Variants in MDGA1 observed in about 807,000 individuals in gnomAD.
The protein encoded by MDGA1 is MAM domain-containing glycosylphosphatidylinositol anchor protein 1.
In MDGA1, 54 loss-of-function variants were observed where a neutral mutation model predicts 101.5. That is an observed-to-expected ratio of 0.53 (90% CI 0.43 to 0.67). The LOEUF is 0.67. MDGA1 is among the 30% of genes least tolerant of loss of function. The pLI is 0.00. For synonymous variants in MDGA1, 533 were observed against 558.3 expected, an observed-to-expected ratio of 0.95 and a Z score of 0.64; for missense variants, 1,083 against 1,323.8, an observed-to-expected ratio of 0.82 and a Z score of 2.82.
intron 1 of MDGA1, among the ~76,000 whole-genome samples, chr6:37,670,415 A>T (rs1018546478): frequency 6.6e-6 from 1 of 152,180 alleles, no homozygotes; most frequent in African/African-American, 2.4e-5. Flanking sequence ...GAGGGGATGG[A>T]AAGTGGGAAG....
At chr6:37,658,115 A>G in intron 3 of MDGA1, 130 bp downstream of exon 3, 1 of 1,045,188 alleles carries the variant, frequency 9.6e-7, no homozygotes, top group Non-Finnish European at 1.3e-6. Context: ...GGTACCTCTT[A>G]GGCTCCTCCA....
chr6:37,658,385 T>C lies in MDGA1; in HGVS notation c.242A>G (p.Asp81Gly). The C allele has an allele frequency of 1.2e-6, 2 of 1,611,680 alleles. No homozygotes were observed. Among genetic ancestry groups the C allele is most frequent in the Non-Finnish European group, 1.7e-6 (2 of 1,179,032 alleles). The part of the protein sequence containing the change: ...RWTKTAGSAS[D>G]KFQETSVFNE... ...GAACACCGATGTCTCCTGGAACTTG[T>C]CCGAGGCGCTACCTGCCGTCTTGGT... Residue 81 changes from aspartate to glycine, a missense_variant, in exon 3 of 17, where the codon GAC (aspartate) becomes GGC (glycine). Physicochemically the swap from Asp to Gly is moderately conservative, Grantham distance 94. This residue lies in a region of MDGA1 where 310 missense variants were observed against 355.9 expected (regional missense o/e 0.87). Transcript: ENST00000434837.
At chr6:37,681,001 C>G (rs74871094) in intron 1 of MDGA1, among the ~76,000 whole-genome samples, 3 of 143,160 alleles carry the variant, frequency 2.1e-5, no homozygotes, top group African/African-American at 2.5e-5. Flanking sequence ...CCTCAGCCCC[C>G]CCCCCCCAGG....
In MDGA1 at chr6:37,635,284, C is replaced by A. The variant is rs377575540; in HGVS notation, c.*2084G>T. ...ACCGGGCAATGGAGTGGTTTCCACA[C>A]CAGGCTCACTTGTGCTGGGCACGAG... is the stretch of plus-strand genomic sequence containing the variant. On this transcript the variant is annotated 3_prime_UTR_variant, in exon 17 of 17. Coordinates refer to ENST00000434837, the MANE Select transcript of MDGA1 (RefSeq NM_153487.4). 1 of 396,382 alleles carries A rather than the reference C, an allele frequency of 2.5e-6. No individual in the cohort carries two copies. Among genetic ancestry groups the A allele is most frequent in the South Asian group, 1.4e-4 (1 of 7,002 alleles). 24.6% of individuals were successfully genotyped at this position (396,382 alleles called of 1,614,324 possible). A position where few individuals can be genotyped will look rare whatever the true frequency, so the allele number is the denominator to read the frequency against.
At chr6:37,640,425 A>C (rs1301170643) in intron 14 of MDGA1, among the ~76,000 whole-genome samples, 1 of 151,878 alleles carries the variant, frequency 6.6e-6, no homozygotes, top group Non-Finnish European at 1.5e-5. Flanking sequence ...CTGCAACCTC[A>C]AACTTCTGGG....
intron 1 of MDGA1, among the ~76,000 whole-genome samples, chr6:37,666,817 G>T (rs914498377): frequency 6.6e-6 from 1 of 152,176 alleles, no homozygotes; most frequent in African/African-American, 2.4e-5. Flanking sequence ...ACCACAGAGG[G>T]GTCCATGGAA....
In MDGA1 at chr6:37,631,182, T is replaced by C. The variant is rs571336947; in HGVS notation, c.*6186A>G. The C allele has an allele frequency of 7.9e-5, 12 of 152,282 alleles. No individual in the cohort carries two copies. The highest frequency in any genetic ancestry group is 2.9e-4 in the African/African-American group (12 of 41,542). 9.4% of individuals were successfully genotyped at this position (152,282 alleles called of 1,614,324 possible). A position where few individuals can be genotyped will look rare whatever the true frequency, so the allele number is the denominator to read the frequency against. ...ATGATGATCCTAGAGCTACCTTGAA[T>C]CCAAAATGCCCATCTGGTTCAGGAA... On this transcript the variant is annotated 3_prime_UTR_variant, in exon 17 of 17. Coordinates refer to ENST00000434837, the MANE Select transcript of MDGA1 (RefSeq NM_153487.4).
At chr6:37,667,804 G>C (rs1297062948) in intron 1 of MDGA1, among the ~76,000 whole-genome samples, 2 of 152,206 alleles carry the variant, frequency 1.3e-5, no homozygotes, top group Non-Finnish European at 2.9e-5. Flanking sequence ...TACTGAAAAA[G>C]AGCTGGAGAG....
intron 1 of MDGA1, among the ~76,000 whole-genome samples, chr6:37,676,749 T>G (rs1020972801): frequency 6.6e-6 from 1 of 151,968 alleles, no homozygotes; most frequent in African/African-American, 2.4e-5. Flanking sequence ...AATACAAAAT[T>G]AGCTGGGGGT....
At position 37,676,708 on chromosome 6, in the gene MDGA1, G is replaced by C. The variant is rs11965442; in HGVS notation, c.68-12602C>G. On this transcript the variant is annotated intron_variant, in intron 1 of 16. Coordinates refer to ENST00000434837, the MANE Select transcript of MDGA1 (RefSeq NM_153487.4). ...AGGTCAGGAGTTCAAGACCAGCCTG[G>C]CCAACATGGTGAAACCCCAACTCTA... 7.4e-3 allele frequency among the ~76,000 whole-genome samples: 1,125 copies of C among 152,240 alleles called. 14 individuals carry two copies. The highest frequency in any genetic ancestry group is 0.025 in the African/African-American group (1,036 of 41,526).
At chr6:37,639,984 A>G (rs1764024327) in intron 14 of MDGA1, among the ~76,000 whole-genome samples, 1 of 152,194 alleles carries the variant, frequency 6.6e-6, no homozygotes, top group Non-Finnish European at 1.5e-5. Flanking sequence ...TAGGAGTTTG[A>G]CACAGACCTT....
At chr6:37,658,463 G>C in intron 2 of MDGA1, 44 bp from the exon 3 acceptor site, 4 of 1,557,908 alleles carry the variant, frequency 2.6e-6, no homozygotes, top group Non-Finnish European at 3.5e-6. Flanking sequence ...AGACTCACAC[G>C]GGGTGGGGGC....
At position 37,655,605 on chromosome 6, in the gene MDGA1, G is replaced by A; in HGVS notation, c.579+95C>T. 1 of 878,354 alleles carries A rather than the reference G, an allele frequency of 1.1e-6. No individual in the cohort carries two copies. Among genetic ancestry groups the A allele is most frequent in the South Asian group, 1.8e-5 (1 of 55,158 alleles). 54.4% of individuals were successfully genotyped at this position (878,354 alleles called of 1,614,324 possible). On this transcript the variant is annotated intron_variant, in intron 4 of 16. Transcript: ENST00000434837. This position sits in a 1 kb window ranked among gnomAD's most constrained non-coding sequence, Gnocchi z 5.1. ...TTTCCAAAGTAAGAATAGAATTGTT[G>A]AAGTCAAGGCAGTCCCAAAAACTCA...
intron 12 of MDGA1, among the ~76,000 whole-genome samples, chr6:37,645,299 C>T (rs113793076): frequency 2.0e-5 from 3 of 152,132 alleles, no homozygotes; most frequent in Non-Finnish European, 2.9e-5. Flanking sequence ...TTTGGGAGGC[C>T]GAGGCGGGTG....
At chr6:37,661,081 T>C (rs953469081) in intron 2 of MDGA1, among the ~76,000 whole-genome samples, 2 of 152,238 alleles carry the variant, frequency 1.3e-5, no homozygotes, top group Non-Finnish European at 2.9e-5. Flanking sequence ...GCAGTGAGTC[T>C]GGGCTGTGGG....
Position 37,638,840 on chromosome 6 carries a change from G to C in MDGA1, c.2537-173C>G, listed in dbSNP as rs1282147046. 1.3e-6 allele frequency: 1 copy of C among 780,762 alleles called. No homozygotes were observed. The highest frequency in any genetic ancestry group is 2.8e-4 in the Middle Eastern group (1 of 3,538). The allele number at this position is 780,762 out of a possible 1,614,324, so 48.4% of individuals were successfully genotyped here. A position where few individuals can be genotyped will look rare whatever the true frequency, so the allele number is the denominator to read the frequency against. On this transcript the variant is annotated intron_variant, in intron 14 of 16. Transcript: ENST00000434837. This position sits in a 1 kb window ranked among gnomAD's most constrained non-coding sequence, Gnocchi z 4.8. ...TCCCATTCCTGCAGGGACACCCTCA[G>C]TGTGGGAAAGAGAAGACTTCAGCAG... is the stretch of plus-strand genomic sequence containing the variant.
intron 8 of MDGA1, 110 bp from the exon 9 acceptor site, chr6:37,649,376 G>A: frequency 2.2e-6 from 3 of 1,386,944 alleles, no homozygotes; most frequent in Non-Finnish European, 2.8e-6. Context: ...CCCCCGCCAG[G>A]AAAAATCCCA....
chr6:37,691,618 T>A (rs1288904682), intron 1 of MDGA1, among the ~76,000 whole-genome samples: 2 of 152,266 alleles, frequency 1.3e-5, no homozygotes, highest in Non-Finnish European at 2.9e-5. Flanking sequence ...CTCATAGTAG[T>A]TACTCATAGT....
At chr6:37,666,372 A>G (rs1324726330) in intron 1 of MDGA1, among the ~76,000 whole-genome samples, 1 of 151,246 alleles carries the variant, frequency 6.6e-6, no homozygotes, top group Non-Finnish European at 1.5e-5. Flanking sequence ...AAAAAAAAAA[A>G]AAGAAAAGAA....
Sources: gnomAD v4.1 joint callset for allele counts (sites outside exome capture counted in the v4.1 genomes callset) on GRCh38, gnomAD v4.1.1 for gene constraint, gnomAD v4.1.1 regional missense constraint, Gnocchi (gnomAD v3.1) non-coding constraint, MANE v1.5 for transcripts, NCBI Gene and HGNC (gene_info 2026-07-23, HGNC 2026-07-21) for gene names.